C9: variants seen among roughly 807,000 people sequenced by gnomAD.
The protein encoded by C9 is complement C9.
Under a neutral mutation model 65.4 loss-of-function variants are expected in C9, and 63 were observed. The observed-to-expected ratio is 0.96, with a 90% confidence interval of 0.79 to 1.19. The LOEUF is 1.19. Among genes scored for constraint, C9 ranks in the 50% most tolerant of loss-of-function variants. The pLI, the probability that C9 is intolerant of heterozygous loss-of-function variation, is 0.00. For missense variants in C9, 744 were observed against 670.1 expected (o/e 1.11, Z -1.22); for synonymous variants, 229 against 227.9 (o/e 1.00, Z -0.04).
At position 39,341,243 on chromosome 5, in the gene C9, C is replaced by A. The variant is rs696763; in HGVS notation, c.379G>T (p.Asp127Tyr). The change falls in exon 4 of 11, where the codon GAC becomes TAC. Residue 127 changes from aspartate to tyrosine, a missense_variant. By Grantham distance (160) the Asp-to-Tyr change is radical (BLOSUM62 -3). Transcript: ENST00000263408. ...LRCNGDNDCGDFSDEDDCESE... is the reference protein window; with the variant it reads ...LRCNGDNDCGYFSDEDDCESE... ...TCACAATCATCCTCATCTGAAAAGT[C>A]TCCGCAGTCATTGTCACCATTACAC... 1.9e-3 allele frequency: 3,051 copies of A among 1,614,166 alleles called. 50 individuals carry two copies. The African/African-American group carries it at 0.037, about 20-fold the overall frequency.
intron 10 of C9, among the ~76,000 whole-genome samples, chr5:39,286,067 T>G (rs1752986487): frequency 6.6e-6 from 1 of 152,038 alleles, no homozygotes; most frequent in East Asian, 1.9e-4. Context: ...AACCAAACAA[T>G]GCCTAGTGAT....
At chr5:39,345,957 G>A (rs1277460746) in intron 1 of C9, among the ~76,000 whole-genome samples, 1 of 151,948 alleles carries the variant, frequency 6.6e-6, no homozygotes, top group Non-Finnish European at 1.5e-5. Context: ...AAATAAAGAT[G>A]TTCTTTGAAA....
intron 9 of C9, among the ~76,000 whole-genome samples, chr5:39,297,944 T>C (rs1476692966): frequency 1.3e-5 from 2 of 151,580 alleles, no homozygotes; most frequent in Non-Finnish European, 3.0e-5. Context: ...ACTCAATATA[T>C]TGAGAATAAT....
At chr5:39,340,628 C>T (rs1326190237) in intron 4 of C9, among the ~76,000 whole-genome samples, 2 of 152,162 alleles carry the variant, frequency 1.3e-5, no homozygotes, top group Admixed American at 1.3e-4. Flanking sequence ...TAATGAGAAC[C>T]AGAACCTCAA....
intron 9 of C9, among the ~76,000 whole-genome samples, chr5:39,297,692 A>G (rs567019706): frequency 6.6e-6 from 1 of 151,796 alleles, no homozygotes; most frequent in East Asian, 1.9e-4. Flanking sequence ...TATGCACCCA[A>G]TGACAGAACT....
chr5:39,355,609 A>G lies in C9; in HGVS notation c.77+8779T>C, dbSNP rs189977242. Among the ~76,000 whole-genome samples the G allele has an allele frequency of 2.8e-4, 43 of 152,286 alleles. No homozygotes were observed. The East Asian group carries it at 7.9e-3, about 28-fold the overall frequency. On this transcript the variant is annotated intron_variant, in intron 1 of 10. Coordinates refer to ENST00000263408, the MANE Select transcript of C9 (RefSeq NM_001737.5). ...TATCACCATAGGAAGGTTCTTACAT[A>G]TCACTCTCTTGCCCTGGGACTAGGA... is the stretch of plus-strand genomic sequence containing the variant.
chr5:39,289,624 C>G (rs1753053400), intron 9 of C9, among the ~76,000 whole-genome samples: 1 of 151,690 alleles, frequency 6.6e-6, no homozygotes, highest in Non-Finnish European at 1.5e-5. Context: ...GATAGAAGGA[C>G]CTATGGGGTG....
chr5:39,317,859 G>GTTT (rs1167312556), intron 5 of C9, among the ~76,000 whole-genome samples: 2 of 146,870 alleles, frequency 1.4e-5, no homozygotes, highest in African/African-American at 4.9e-5. Flanking sequence ...TTTTAAAATG[G>GTTT]TTTTTTTTTT....
At chr5:39,316,068 C>A in intron 5 of C9, 39 bp from the exon 6 acceptor site, 1 of 1,562,706 alleles carries the variant, frequency 6.4e-7, no homozygotes, top group East Asian at 2.3e-5. Flanking sequence ...AAACAAGATA[C>A]GAAACAAAAG....
At chr5:39,320,799 TG>T (rs1258382089) in intron 5 of C9, among the ~76,000 whole-genome samples, 2 of 152,158 alleles carry the variant, frequency 1.3e-5, no homozygotes. Flanking sequence ...TCGTCACATA[TG>T]AGGGAGCTCA....
At chr5:39,287,508 AT>A (rs1252602504) in intron 10 of C9, among the ~76,000 whole-genome samples, 4 of 152,056 alleles carry the variant, frequency 2.6e-5, no homozygotes, top group Non-Finnish European at 4.4e-5. Context: ...TGCAGCACAT[AT>A]TTTGATGTGC....
intron 5 of C9, among the ~76,000 whole-genome samples, chr5:39,319,918 G>C (rs1267315614): frequency 6.6e-6 from 1 of 152,082 alleles, no homozygotes; most frequent in Non-Finnish European, 1.5e-5. Flanking sequence ...AGTGAACCAA[G>C]GAACCAATCA....
At chr5:39,331,887 A>C in intron 4 of C9, 73 bp from the exon 5 acceptor site, 1 of 1,302,146 alleles carries the variant, frequency 7.7e-7, no homozygotes, top group South Asian at 1.2e-5. Context: ...TGTAGCTGGA[A>C]AAAGTGAGAC....
chr5:39,289,197 A>G (rs912028254), intron 9 of C9, among the ~76,000 whole-genome samples: 42 of 151,764 alleles, frequency 2.8e-4, no homozygotes, highest in African/African-American at 8.9e-4. Flanking sequence ...TAAATTTCAA[A>G]TAGAAAGTGT....
At chr5:39,325,816 T>C (rs1431452642) in intron 5 of C9, among the ~76,000 whole-genome samples, 1 of 151,190 alleles carries the variant, frequency 6.6e-6, no homozygotes, top group Non-Finnish European at 1.5e-5. Context: ...TGTATGTTAA[T>C]TAACACCTAG....
intron 5 of C9, among the ~76,000 whole-genome samples, chr5:39,317,022 T>C (rs577250163): frequency 1.2e-4 from 18 of 152,326 alleles, no homozygotes; most frequent in Middle Eastern, 3.4e-3. Flanking sequence ...GTTTTTGACT[T>C]TTTAATAATT....
Position 39,341,261 on chromosome 5 carries a change from C to T in C9, c.361G>A (p.Gly121Ser). Residue 121 changes from glycine to serine, a missense_variant, in exon 4 of 11, where the codon GGT becomes AGT. Gly to Ser is a moderately conservative substitution (Grantham distance 56, BLOSUM62 0). Transcript: ENST00000263408. ...RCIKMRLRCN[G>S]DNDCGDFSDE... ...GAAAAGTCTCCGCAGTCATTGTCAC[C>T]ATTACACCGAAGTCGCATCTTTATG... 2 of 1,614,182 alleles carry T rather than the reference C, an allele frequency of 1.2e-6. No individual in the cohort carries two copies. Among genetic ancestry groups the T allele is most frequent in the Non-Finnish European group, 1.7e-6 (2 of 1,180,020 alleles).
rs758405131 is a variant in C9 at position 39,334,507 on chromosome 5, T to C, written c.477-2693A>G. Among the ~76,000 whole-genome samples the C allele has an allele frequency of 1.6e-3, 204 of 130,586 alleles. 3 individuals are homozygous for C. Among genetic ancestry groups the C allele is most frequent in the Non-Finnish European group, 2.4e-3 (158 of 67,046 alleles). The allele number at this position is 130,586 out of a possible 152,430, so 85.7% of individuals were successfully genotyped here. A position where few individuals can be genotyped will look rare whatever the true frequency, so the allele number is the denominator to read the frequency against. ...GCGTCTCTGCCAGGCAGCCACCCCG[T>C]CCGGGAGGGAGGTGGGGGTCAGCCC... On this transcript the variant is annotated intron_variant, in intron 4 of 10. Transcript: ENST00000263408.
chr5:39,353,195 T>G (rs1754354001), intron 1 of C9, among the ~76,000 whole-genome samples: 1 of 152,222 alleles, frequency 6.6e-6, no homozygotes, highest in Non-Finnish European at 1.5e-5. Context: ...TGATTTTTCT[T>G]TAGAGCCTCC....
Sources: gnomAD v4.1 joint callset for allele counts (sites outside exome capture counted in the v4.1 genomes callset) on GRCh38, gnomAD v4.1.1 for gene constraint, MANE v1.5 for transcripts, NCBI Gene and HGNC (gene_info 2026-07-23, HGNC 2026-07-21) for gene names.